ANO7: variants seen among roughly 807,000 people sequenced by gnomAD.
The protein encoded by ANO7 is anoctamin-7.
A neutral mutation model predicts 115.8 loss-of-function variants in ANO7; 114 were observed. The ratio of observed to expected loss-of-function variants is 0.98; its 90% confidence interval spans 0.85 to 1.15. The LOEUF is 1.15. Among genes scored for constraint, ANO7 ranks in the 50% most tolerant of loss-of-function variants. The probability of loss-of-function intolerance (pLI) is 0.00; values close to 1 mark genes in which losing one functional copy is unlikely to be tolerated. For missense variants in ANO7, 1,302 were observed against 1,201.2 expected (o/e 1.08, Z -1.24); for synonymous variants, 550 against 498.2 (o/e 1.10, Z -1.38).
the ANO7 span, chr2:241,235,383 G>A: frequency 8.1e-6 from 12 of 1,475,978 alleles, no homozygotes; most frequent in African/African-American, 6.9e-5. Flanking sequence ...TGCCCAGTCC[G>A]AGCAGGAGGA....
At chr2:241,231,044 G>A in the ANO7 span, 1 of 1,038,948 alleles carries the variant, frequency 9.6e-7, no homozygotes, top group Non-Finnish European at 1.4e-6. Flanking sequence ...GCTCAGGAGA[G>A]AAGATGGAAA....
intron 21 of ANO7, among the ~76,000 whole-genome samples, chr2:241,222,007 G>A (rs147899702): frequency 0.014 from 2,077 of 152,118 alleles, 27 homozygotes; most frequent in African/African-American, 0.035. Flanking sequence ...GGCCGAGGCC[G>A]GTGGATCACA....
At chr2:241,220,639 A>G (rs1559458043) in intron 21 of ANO7, among the ~76,000 whole-genome samples, 1 of 152,190 alleles carries the variant, frequency 6.6e-6, no homozygotes, top group Non-Finnish European at 1.5e-5. Flanking sequence ...ATCTCTACTA[A>G]AAATACAAAA....
At position 241,195,769 on chromosome 2, in the gene ANO7, A is replaced by G; in HGVS notation, c.233A>G (p.Asp78Gly). 1.2e-6 allele frequency: 2 copies of G among 1,614,256 alleles called. No homozygotes were observed. Residue 78 changes from aspartate to glycine, a missense_variant, in exon 4 of 25, where the codon GAC (aspartate) becomes GGC (glycine). By Grantham distance (94) the Asp-to-Gly change is moderately conservative. Coordinates refer to ENST00000674324, the MANE Select transcript of ANO7 (RefSeq NM_001370694.2). Reference protein sequence around the residue: ...LDRQQDSAARDRTDMHRTWRE... With the variant: ...LDRQQDSAARGRTDMHRTWRE... ...AGGCAGCAGGACAGTGCCGCCCGGG[A>G]CAGAACAGACATGCACAGGACCTGG...
Position 241,217,790 on chromosome 2 carries a change from T to C in ANO7, c.2077T>C (p.Phe693Leu), listed in dbSNP as rs1425128989. The C allele has an allele frequency of 6.2e-7, 1 of 1,610,440 alleles. No homozygotes were observed. Among genetic ancestry groups the C allele is most frequent in the Admixed American group, 1.7e-5 (1 of 59,794 alleles). Residue 693 changes from phenylalanine to leucine, a missense_variant, in exon 20 of 25, where the codon TTC becomes CTC. Phe to Leu is a conservative substitution (Grantham distance 22). Coordinates refer to ENST00000674324, the MANE Select transcript of ANO7 (RefSeq NM_001370694.2). Reference sequence around the variant, plus strand: ...GGAGATCCGCTTGGACGCGCGCAAGTTCGTCTGCGAGTACCGGCGCCCGGT... The same window carrying C: ...GGAGATCCGCTTGGACGCGCGCAAGCTCGTCTGCGAGTACCGGCGCCCGGT... ...WVEIRLDARK[F>L]VCEYRRPVAE...
rs1310775874 is a variant in ANO7, at chr2:241,188,809, G to C, written c.-8+43G>C. ...ACGTGTGGGCCACAGGGAGAAGGTG[G>C]AGCGTTGGACTCTAGGGAGGCAGGG... On this transcript the variant is annotated intron_variant, in intron 1 of 24. Coordinates refer to ENST00000674324, the MANE Select transcript of ANO7 (RefSeq NM_001370694.2). The surrounding 1 kb of genome is among the most constrained non-coding windows in gnomAD (Gnocchi z 4.3). 1 of 1,597,536 alleles carries C rather than the reference G, an allele frequency of 6.3e-7. No individual in the cohort carries two copies.
At chr2:241,233,774 T>C in the ANO7 span, 2 of 1,610,762 alleles carry the variant, frequency 1.2e-6, no homozygotes, top group Non-Finnish European at 1.7e-6. This position sits in a 1 kb window ranked among gnomAD's most constrained non-coding sequence, Gnocchi z 4.3. Flanking sequence ...ACAGGAAAGG[T>C]CAACAAGCAC....
At chr2:241,190,623 G>A (rs1466006904) in intron 2 of ANO7, among the ~76,000 whole-genome samples, 3 of 152,238 alleles carry the variant, frequency 2.0e-5, no homozygotes, top group Admixed American at 2.0e-4. Flanking sequence ...GGCCCTGGCC[G>A]TGGAGGGCCC....
At chr2:241,239,870 G>A in the ANO7 span, 1 of 1,612,200 alleles carries the variant, frequency 6.2e-7, no homozygotes, top group Non-Finnish European at 8.5e-7. This position sits in a 1 kb window ranked among gnomAD's most constrained non-coding sequence, Gnocchi z 4.6. Flanking sequence ...CACGGCCCCA[G>A]CAGAGTCGGC....
rs146605967 is a variant in ANO7, at chr2:241,210,564, C to T, written c.1555C>T (p.Arg519Ter). ...TGTATCCCTGGCCCACGTCCTGACACGATGGGGTGAGTGGGCTGAGGCCGG... is the reference window on the plus strand; with the variant it reads ...TGTATCCCTGGCCCACGTCCTGACATGATGGGGTGAGTGGGCTGAGGCCGG... The part of the protein sequence containing the change: ...IYVSLAHVLT[R>*]WEMHRTQTKF... Residue 519 changes from arginine to a stop codon, truncating the protein, a stop_gained, in exon 15 of 25, where the codon CGA becomes TGA. Transcript: ENST00000674324. LOFTEE classifies it high-confidence loss of function. 121 of 1,613,422 alleles carry T rather than the reference C, an allele frequency of 7.5e-5. No individual in the cohort carries two copies. Among genetic ancestry groups the T allele is most frequent in the East Asian group, 1.8e-4 (8 of 44,894 alleles).
At chr2:241,230,285 A>G (rs553656108), downstream of ANO7, 7 of 1,492,722 alleles carry the variant, frequency 4.7e-6, no homozygotes, top group African/African-American at 5.5e-5. This position sits in a 1 kb window ranked among gnomAD's most constrained non-coding sequence, Gnocchi z 5.0. Context: ...AGGGGTGTAC[A>G]ACGTCAGATG....
At chr2:241,239,560 A>T in the ANO7 span, 1 of 1,528,816 alleles carries the variant, frequency 6.5e-7, no homozygotes, top group Non-Finnish European at 9.1e-7. The surrounding 1 kb of genome is among the most constrained non-coding windows in gnomAD (Gnocchi z 4.6). Context: ...GTGAGTGGCC[A>T]CTGGGGGGTG....
At chr2:241,232,796 A>G in the ANO7 span, among the ~76,000 whole-genome samples, 2 of 152,086 alleles carry the variant, frequency 1.3e-5, no homozygotes, top group African/African-American at 4.8e-5. Flanking sequence ...CTGGGGCAAC[A>G]AGACAAAGAC....
chr2:241,201,888 G>A (rs1338769268), intron 7 of ANO7, among the ~76,000 whole-genome samples: 1 of 152,228 alleles, frequency 6.6e-6, no homozygotes, highest in Non-Finnish European at 1.5e-5. Context: ...GTCCAGAGTG[G>A]GCTGCGCACG....
intron 5 of ANO7, 107 bp from the exon 6 acceptor site, chr2:241,199,982 G>A: frequency 1.5e-6 from 2 of 1,339,262 alleles, no homozygotes; most frequent in Non-Finnish European, 1.0e-6. Context: ...CTCTGCTGGA[G>A]CCCCTTCGCC....
At chr2:241,235,133 C>T in the ANO7 span, 1 of 1,613,452 alleles carries the variant, frequency 6.2e-7, no homozygotes, top group Non-Finnish European at 8.5e-7. Context: ...GGTCCTCCTG[C>T]TCGGCCTGTA....
chr2:241,191,048 G>A (rs114644430), intron 2 of ANO7, 146 bp from the exon 3 acceptor site: 41 of 911,468 alleles, frequency 4.5e-5, no homozygotes, highest in South Asian at 7.6e-5. Flanking sequence ...CCCACCCGCC[G>A]AACATTCTTC....
rs1355988820 is a variant in ANO7, at chr2:241,209,631, T to A, written c.1355T>A (p.Val452Glu). The A allele has an allele frequency of 6.4e-7, 1 of 1,553,554 alleles. No individual in the cohort carries two copies. The highest frequency in any genetic ancestry group is 1.9e-5 in the Admixed American group (1 of 52,164). The change falls in exon 13 of 25, where the codon GTG becomes GAG. Residue 452 changes from valine to glutamate, a missense_variant. Physicochemically the swap from Val to Glu is moderately radical, Grantham distance 121. Transcript: ENST00000674324. ...RMLAGSVVIV[V>E]MVAVVVMCLV... ...CTGGCCGGCTCTGTGGTGATCGTGG[T>A]GATGGTATGCGGTCCCCCTGCCCTC...
At chr2:241,226,920 C>A (rs1243836629), downstream of ANO7, among the ~76,000 whole-genome samples, 18 of 152,234 alleles carry the variant, frequency 1.2e-4, no homozygotes, top group Admixed American at 1.2e-3. Flanking sequence ...CCCCCCACCA[C>A]CCAACTCAGC....
Sources: allele counts gnomAD v4.1 joint callset (sites outside exome capture counted in the v4.1 genomes callset), GRCh38; gene constraint gnomAD v4.1.1; non-coding constraint Gnocchi (gnomAD v3.1); transcripts MANE v1.5; gene names NCBI Gene and HGNC (gene_info 2026-07-23, HGNC 2026-07-21).